The following TMEM272 variants were observed in gnomAD, a reference collection of about 807,000 sequenced individuals.
TMEM272 encodes long intergenic non-protein coding RNA 282.
A neutral mutation model predicts 3.7 loss-of-function variants in TMEM272; 8 were observed. That is an observed-to-expected ratio of 2.17 (90% CI 1.27 to 3.91). The LOEUF (loss-of-function observed/expected upper bound fraction) is 3.91, where lower values mean the gene tolerates loss of function less well. TMEM272 is among the 30% of genes most tolerant of loss of function. The pLI, the probability that TMEM272 is intolerant of heterozygous loss-of-function variation, is 0.00. For synonymous variants in TMEM272, 63 were observed against 39.8 expected, an observed-to-expected ratio of 1.58 and a Z score of -2.20; for missense variants, 166 against 91.5, an observed-to-expected ratio of 1.81 and a Z score of -3.32.
the TMEM272 span, among the ~76,000 whole-genome samples, chr13:51,912,389 G>A: frequency 7.2e-5 from 11 of 152,166 alleles, 1 homozygote; most frequent in South Asian, 2.3e-3. Flanking sequence ...GCAGCCTCAG[G>A]AGCACCGAGC....
chr13:51,888,066 C>T, the TMEM272 span, among the ~76,000 whole-genome samples: 9 of 143,072 alleles, frequency 6.3e-5, no homozygotes, highest in South Asian at 2.2e-4. Context: ...TTTTTTGAGA[C>T]GGAGTTTCGC....
chr13:51,858,094 C>A, the TMEM272 span, among the ~76,000 whole-genome samples: 7 of 152,114 alleles, frequency 4.6e-5, no homozygotes, highest in East Asian at 1.4e-3. Flanking sequence ...AATAATATAG[C>A]CTCAAAGTAT....
At chr13:51,870,470 G>C in the TMEM272 span, among the ~76,000 whole-genome samples, 2 of 152,182 alleles carry the variant, frequency 1.3e-5, no homozygotes, top group African/African-American at 2.4e-5. Context: ...TGAAAGAGAA[G>C]AGGAGGGGAT....
chr13:51,870,740 C>A, the TMEM272 span, among the ~76,000 whole-genome samples: 1 of 152,202 alleles, frequency 6.6e-6, no homozygotes, highest in Non-Finnish European at 1.5e-5. Flanking sequence ...ACTACAGAGC[C>A]ACCTCCCTCT....
intron 2 of TMEM272, among the ~76,000 whole-genome samples, chr13:51,834,301 G>A (rs1474839337): frequency 6.6e-6 from 1 of 152,132 alleles, no homozygotes; most frequent in Non-Finnish European, 1.5e-5. Flanking sequence ...CAAAGGGTGT[G>A]TAGAGGAAAT....
Position 51,816,653 on chromosome 13 carries a change from CTGTGTGTGTGTG to C in TMEM272, c.*86_*97del, listed in dbSNP as rs111925186. 11 of 571,170 alleles carry C rather than the reference CTGTGTGTGTGTG, an allele frequency of 1.9e-5. No individual in the cohort carries two copies. In the South Asian group the frequency reaches 2.3e-4, roughly 12 times the overall value. The allele number at this position is 571,170 out of a possible 1,614,324, so 35.4% of individuals were successfully genotyped here. A position where few individuals can be genotyped will look rare whatever the true frequency, so the allele number is the denominator to read the frequency against. On this transcript the variant is annotated 3_prime_UTR_variant, in exon 5 of 5. Coordinates refer to ENST00000629372, the MANE Select transcript of TMEM272 (RefSeq NM_001351003.2). Reference sequence around the variant, plus strand: ...ATTACCTTTATGCCCTTCTCTGAACCTGTGTGTGTGTGTGTGTGTGTGTGCGTCTGTGTGTCT... The same window carrying C: ...ATTACCTTTATGCCCTTCTCTGAACCTGTGTGTGTGTGCGTCTGTGTGTCT...
the TMEM272 span, chr13:51,865,817 C>T: frequency 6.8e-6 from 11 of 1,614,030 alleles, no homozygotes; most frequent in East Asian, 4.5e-5. Flanking sequence ...GGAAAGAGAC[C>T]GGAACCTTCT....
the TMEM272 span, among the ~76,000 whole-genome samples, chr13:51,868,562 A>C: frequency 1.3e-5 from 2 of 152,258 alleles, no homozygotes; most frequent in African/African-American, 4.8e-5. Context: ...TACTGTTAGC[A>C]CAAATGCAGA....
chr13:51,909,026 G>C, the TMEM272 span: 4 of 1,473,864 alleles, frequency 2.7e-6, no homozygotes, highest in South Asian at 4.5e-5. Flanking sequence ...TCGGAAGATA[G>C]AGAAAAGCTC....
chr13:51,828,769 C>T (rs1047403606), intron 2 of TMEM272, among the ~76,000 whole-genome samples: 12 of 152,164 alleles, frequency 7.9e-5, no homozygotes, highest in African/African-American at 2.9e-4. Context: ...TGTCTGCTGC[C>T]CTTTACCGCC....
At chr13:51,929,285 C>G in the TMEM272 span, among the ~76,000 whole-genome samples, 1 of 152,138 alleles carries the variant, frequency 6.6e-6, no homozygotes, top group Non-Finnish European at 1.5e-5. Flanking sequence ...GTCGAGTCAT[C>G]CTAACATGTA....
the TMEM272 span, among the ~76,000 whole-genome samples, chr13:51,906,606 C>G: frequency 6.6e-6 from 1 of 152,256 alleles, no homozygotes; most frequent in South Asian, 2.1e-4. Flanking sequence ...AGGAGAAGTT[C>G]TAGAGTTATT....
At chr13:51,841,735 G>A (rs1421269208) in intron 1 of TMEM272, among the ~76,000 whole-genome samples, 1 of 152,162 alleles carries the variant, frequency 6.6e-6, no homozygotes, top group Non-Finnish European at 1.5e-5. Flanking sequence ...GCAGCCAATA[G>A]AACACACCAA....
At chr13:51,883,558 T>C in the TMEM272 span, among the ~76,000 whole-genome samples, 324 of 152,276 alleles carry the variant, frequency 2.1e-3, no homozygotes, top group African/African-American at 7.4e-3. Flanking sequence ...GATTGGTCCA[T>C]GGGTGAGCTT....
the TMEM272 span, among the ~76,000 whole-genome samples, chr13:51,853,659 A>C: frequency 6.6e-6 from 1 of 152,320 alleles, no homozygotes; most frequent in South Asian, 2.1e-4. Flanking sequence ...GAATAAATTA[A>C]TTTTCCAACA....
At chr13:51,927,588 T>C in the TMEM272 span, among the ~76,000 whole-genome samples, 1 of 152,124 alleles carries the variant, frequency 6.6e-6, no homozygotes, top group Non-Finnish European at 1.5e-5. Flanking sequence ...CAGACTGAAA[T>C]GCCACATTAA....
At chr13:51,930,757 A>C in the TMEM272 span, among the ~76,000 whole-genome samples, 1 of 151,836 alleles carries the variant, frequency 6.6e-6, no homozygotes, top group East Asian at 1.9e-4. Flanking sequence ...AGAGCAAAAA[A>C]AAAAAACCCC....
chr13:51,818,490 C>G (rs1593589361), intron 4 of TMEM272, among the ~76,000 whole-genome samples: 1 of 152,096 alleles, frequency 6.6e-6, no homozygotes, highest in Non-Finnish European at 1.5e-5. Flanking sequence ...GGGGGTTACC[C>G]GTGAGGAGGT....
the TMEM272 span, among the ~76,000 whole-genome samples, chr13:51,886,795 A>G: frequency 6.6e-6 from 1 of 152,208 alleles, no homozygotes; most frequent in Non-Finnish European, 1.5e-5. Context: ...AAAACCAAAT[A>G]TATTTTGGTC....
Sources: allele counts gnomAD v4.1 joint callset (sites outside exome capture counted in the v4.1 genomes callset), GRCh38; gene constraint gnomAD v4.1.1; transcripts MANE v1.5; gene names NCBI Gene and HGNC (gene_info 2026-07-23, HGNC 2026-07-21).